SLC45A4: variants seen among roughly 807,000 people sequenced by gnomAD.
SLC45A4 encodes the protein solute carrier family 45 member 4.
A neutral mutation model predicts 63.7 loss-of-function variants in SLC45A4; 32 were observed. The observed-to-expected ratio is 0.50, with a 90% CI of 0.38 to 0.67. The LOEUF is 0.67. Ranked by LOEUF, SLC45A4 falls within the 30% of genes least tolerant of loss-of-function variation. The probability of loss-of-function intolerance (pLI) is 0.00; values close to 1 mark genes in which losing one functional copy is unlikely to be tolerated. For synonymous variants in SLC45A4, 535 were observed against 510.0 expected (o/e 1.05, Z -0.66); for missense variants, 1,027 against 1,157.7 (o/e 0.89, Z 1.64).
intron 1 of SLC45A4, among the ~76,000 whole-genome samples, chr8:141,259,281 G>A (rs972064034): frequency 1.1e-4 from 17 of 152,234 alleles, no homozygotes; most frequent in African/African-American, 4.1e-4. Flanking sequence ...CCAGCAAGAC[G>A]GCTTCACGCC....
At position 141,254,593 on chromosome 8, in the gene SLC45A4, T is replaced by C. The variant is rs1365075449; in HGVS notation, c.-364A>G. On this transcript the variant is annotated 5_prime_UTR_variant, in exon 2 of 9. Transcript: ENST00000517878. This position sits in a 1 kb window ranked among gnomAD's most constrained non-coding sequence, Gnocchi z 4.5. ...GAGGTGGGAAGGTGATACAAACAGGTGGTCCGCTGGTAATCCCCATCGAGT... is the reference window on the plus strand; with the variant it reads ...GAGGTGGGAAGGTGATACAAACAGGCGGTCCGCTGGTAATCCCCATCGAGT... The C allele has an allele frequency of 1.9e-5, 13 of 701,944 alleles. No homozygotes were observed. The highest frequency in any genetic ancestry group is 1.2e-4 in the Admixed American group (6 of 49,990). The allele number at this position is 701,944 out of a possible 1,614,324, so 43.5% of individuals were successfully genotyped here.
chr8:141,216,073 C>A, intron 6 of SLC45A4, 103 bp from the exon 7 acceptor site: 1 of 1,035,332 alleles, frequency 9.7e-7, no homozygotes, highest in Non-Finnish European at 1.4e-6. Context: ...CCCCGACCTC[C>A]ACTCCTTCCA....
chr8:141,231,479 C>T (rs1186975912), intron 2 of SLC45A4, among the ~76,000 whole-genome samples: 7 of 152,356 alleles, frequency 4.6e-5, no homozygotes, highest in East Asian at 3.9e-4. Flanking sequence ...ATGAAGAGGG[C>T]ACATTAGGAG....
In SLC45A4 at chr8:141,217,089, CCTGAA is replaced by C; in HGVS notation, c.1725_1729del (p.Ser576ProfsTer67). The C allele has an allele frequency of 6.2e-7, 1 of 1,613,880 alleles. No individual in the cohort carries two copies. Among genetic ancestry groups the C allele is most frequent in the Non-Finnish European group, 8.5e-7 (1 of 1,179,952 alleles). On this transcript the variant is annotated frameshift_variant and splice_region_variant, in exon 6 of 9. Coordinates refer to ENST00000517878, the MANE Select transcript of SLC45A4 (RefSeq NM_001286646.2). LOFTEE classifies it high-confidence loss of function. Reference sequence around the variant, plus strand: ...GCTGACCTGACTTGGGGAGCTCTTACCTGAACAAATAGCACCAGTGGCGGCATAAA... The same window carrying C: ...GCTGACCTGACTTGGGGAGCTCTTACCAAATAGCACCAGTGGCGGCATAAA...
At chr8:141,302,342 C>G (rs922219286) in intron 1 of SLC45A4, among the ~76,000 whole-genome samples, 1 of 151,934 alleles carries the variant, frequency 6.6e-6, no homozygotes, top group Non-Finnish European at 1.5e-5. Flanking sequence ...TCACTGCAAC[C>G]TCCACGCCAC....
In SLC45A4 at chr8:141,218,541, C is replaced by T. The variant is rs61995887; in HGVS notation, c.1099G>A (p.Ala367Thr). Residue 367 changes from alanine (A) to threonine (T), a missense_variant, in exon 5 of 9, where the codon GCC becomes ACC. Physicochemically the swap from Ala to Thr is moderately conservative, Grantham distance 58. Coordinates refer to ENST00000517878, the MANE Select transcript of SLC45A4 (RefSeq NM_001286646.2). ...TCCAGCAAGGTCTCGTCCTCCTTGG[C>T]GGCTTCCTTGAGGAAGGTGGCCAGG... ...PRLATFLKEA[A>T]KEDETLLDNH... 3.5e-4 allele frequency: 557 copies of T among 1,613,588 alleles called. 3 individuals carry two copies. In the African/African-American group the frequency reaches 6.2e-3, roughly 18 times the overall value.
intron 1 of SLC45A4, among the ~76,000 whole-genome samples, chr8:141,284,256 C>T (rs1205924411): frequency 6.6e-6 from 1 of 152,220 alleles, no homozygotes; most frequent in African/African-American, 2.4e-5. Flanking sequence ...AAAGAGAGCT[C>T]GGCTGGTGGG....
At chr8:141,306,234 C>CA (rs1830895880) in intron 1 of SLC45A4, among the ~76,000 whole-genome samples, 1 of 152,070 alleles carries the variant, frequency 6.6e-6, no homozygotes, top group African/African-American at 2.4e-5. Context: ...ACACCTGGGC[C>CA]AAAAAAACAC....
chr8:141,254,723 C>T lies in SLC45A4; in HGVS notation c.-400-94G>A. On this transcript the variant is annotated intron_variant, in intron 1 of 8. Transcript: ENST00000517878. This position sits in a 1 kb window ranked among gnomAD's most constrained non-coding sequence, Gnocchi z 4.5. ...GCCCGACCCCCGAGCAAGCCGTGTG[C>T]CCCGAGGGCCCGACCCAAGATCACA... The T allele has an allele frequency of 1.5e-6, 1 of 686,042 alleles. No homozygotes were observed. The highest frequency in any genetic ancestry group is 2.7e-6 in the Non-Finnish European group (1 of 374,796). The allele number at this position is 686,042 out of a possible 1,614,324, so 42.5% of individuals were successfully genotyped here. A position where few individuals can be genotyped will look rare whatever the true frequency, so the allele number is the denominator to read the frequency against.
chr8:141,212,790 T>C (rs974284636), intron 7 of SLC45A4, among the ~76,000 whole-genome samples: 3 of 152,106 alleles, frequency 2.0e-5, no homozygotes, highest in Admixed American at 6.5e-5. Context: ...GAAGCAACTC[T>C]GTCAATCCAG....
chr8:141,260,958 T>C (rs1264286007), intron 1 of SLC45A4, among the ~76,000 whole-genome samples: 1 of 152,194 alleles, frequency 6.6e-6, no homozygotes. Flanking sequence ...TTGATGAACA[T>C]TGATGCAAAA....
At chr8:141,237,291 A>C (rs12550677) in intron 2 of SLC45A4, among the ~76,000 whole-genome samples, 48,275 of 152,012 alleles carry the variant, frequency 0.32, 8,813 homozygotes, top group Non-Finnish European at 0.42. Flanking sequence ...TCCCTGCCTG[A>C]AACACCACTC....
At chr8:141,293,704 G>A (rs1415997164) in intron 1 of SLC45A4, among the ~76,000 whole-genome samples, 1 of 152,078 alleles carries the variant, frequency 6.6e-6, no homozygotes, top group African/African-American at 2.4e-5. Context: ...AGGCCGAGGC[G>A]GGCAGATTGC....
At chr8:141,280,113 C>A (rs1829879583) in intron 1 of SLC45A4, among the ~76,000 whole-genome samples, 1 of 152,218 alleles carries the variant, frequency 6.6e-6, no homozygotes, top group South Asian at 2.1e-4. Flanking sequence ...CACGCTGGCC[C>A]CTCACCCCGT....
intron 1 of SLC45A4, among the ~76,000 whole-genome samples, chr8:141,293,762 G>A (rs1417055562): frequency 4.0e-5 from 6 of 151,890 alleles, no homozygotes; most frequent in East Asian, 1.9e-4. Context: ...GTGAAACCCC[G>A]TCTCTACTAA....
At chr8:141,289,825 C>T (rs72683503) in intron 1 of SLC45A4, among the ~76,000 whole-genome samples, 6,520 of 152,148 alleles carry the variant, frequency 0.043, 190 homozygotes, top group Middle Eastern at 0.085. Flanking sequence ...AAGGCCTCAC[C>T]ACCCTCCAAG....
At chr8:141,216,225 C>T (rs190324231) in intron 6 of SLC45A4, among the ~76,000 whole-genome samples, 38 of 152,342 alleles carry the variant, frequency 2.5e-4, no homozygotes, top group African/African-American at 7.9e-4. Flanking sequence ...CCCATAACCC[C>T]GCCCTTCCTG....
At chr8:141,300,330 G>A (rs947223155) in intron 1 of SLC45A4, among the ~76,000 whole-genome samples, 3 of 152,214 alleles carry the variant, frequency 2.0e-5, no homozygotes, top group Non-Finnish European at 4.4e-5. Context: ...AGTCCTCAGC[G>A]TGCTGTTTCT....
intron 2 of SLC45A4, among the ~76,000 whole-genome samples, chr8:141,251,388 C>G (rs572678642): frequency 6.6e-6 from 1 of 152,224 alleles, no homozygotes; most frequent in East Asian, 1.9e-4. Context: ...CCTTCCCACA[C>G]TGGTCCAGCC....
Sources: gnomAD v4.1 joint callset for allele counts (sites outside exome capture counted in the v4.1 genomes callset) on GRCh38, gnomAD v4.1.1 for gene constraint, Gnocchi (gnomAD v3.1) non-coding constraint, MANE v1.5 for transcripts, NCBI Gene and HGNC (gene_info 2026-07-23, HGNC 2026-07-21) for gene names.